BCO1: variants seen among roughly 807,000 people sequenced by gnomAD.
The protein encoded by BCO1 is beta-carotene oxygenase 1, also known as beta,beta-carotene 15,15'-dioxygenase.
Under a neutral mutation model 56.3 loss-of-function variants are expected in BCO1, and 54 were observed. The observed-to-expected ratio is 0.96, with a 90% CI of 0.77 to 1.20. The LOEUF (loss-of-function observed/expected upper bound fraction) is 1.20, where lower values mean the gene tolerates loss of function less well. Ranked by LOEUF, BCO1 falls within the 50% of genes most tolerant of loss-of-function variation. The probability of loss-of-function intolerance (pLI) is 0.00; values close to 1 mark genes in which losing one functional copy is unlikely to be tolerated. For synonymous variants in BCO1, 318 were observed against 266.1 expected, an observed-to-expected ratio of 1.20 and a Z score of -1.90; for missense variants, 801 against 690.9, an observed-to-expected ratio of 1.16 and a Z score of -1.79.
At chr16:81,283,577 C>T (rs923643590) in intron 8 of BCO1, among the ~76,000 whole-genome samples, 3 of 152,086 alleles carry the variant, frequency 2.0e-5, no homozygotes, top group Non-Finnish European at 4.4e-5. Flanking sequence ...CAAGGGCAGG[C>T]ACCTTCTTCT....
intron 9 of BCO1, 114 bp downstream of exon 9, chr16:81,285,748 G>A: frequency 1.2e-6 from 1 of 820,084 alleles, no homozygotes; most frequent in Non-Finnish European, 2.1e-6. Flanking sequence ...GAAGGAGTAA[G>A]CCTAGGATAA....
At chr16:81,244,163 A>C (rs935375586) in intron 1 of BCO1, among the ~76,000 whole-genome samples, 1 of 152,218 alleles carries the variant, frequency 6.6e-6, no homozygotes, top group African/African-American at 2.4e-5. Context: ...ATTTGCAGAA[A>C]GCAGCCTGTA....
At chr16:81,261,075 C>T (rs1338840773) in intron 3 of BCO1, among the ~76,000 whole-genome samples, 1 of 152,128 alleles carries the variant, frequency 6.6e-6, no homozygotes, top group African/African-American at 2.4e-5. Context: ...TTCACATTTG[C>T]AAATAGGAGG....
intron 8 of BCO1, among the ~76,000 whole-genome samples, chr16:81,281,449 A>C (rs191825382): frequency 6.6e-6 from 1 of 152,296 alleles, no homozygotes; most frequent in Admixed American, 6.5e-5. Flanking sequence ...CTGTCTCACA[A>C]AAATAAAAAT....
At chr16:81,258,220 G>A (rs1261976572) in intron 2 of BCO1, among the ~76,000 whole-genome samples, 1 of 152,168 alleles carries the variant, frequency 6.6e-6, no homozygotes, top group African/African-American at 2.4e-5. Flanking sequence ...TGTATGTTGT[G>A]TGAAGCCACT....
At chr16:81,245,707 G>C (rs1273584828) in intron 2 of BCO1, 104 bp downstream of exon 2, 2 of 1,445,902 alleles carry the variant, frequency 1.4e-6, no homozygotes, top group Admixed American at 3.8e-5. Context: ...GAGGTCAGAA[G>C]TCTAAATCGG....
intron 6 of BCO1, among the ~76,000 whole-genome samples, chr16:81,269,899 T>G (rs1243503262): frequency 6.6e-6 from 1 of 152,130 alleles, no homozygotes; most frequent in African/African-American, 2.4e-5. Context: ...AACACTGTCC[T>G]CCTAGTGACT....
At chr16:81,287,456 C>T in intron 10 of BCO1, 50 bp downstream of exon 10, 3 of 1,450,362 alleles carry the variant, frequency 2.1e-6, no homozygotes, top group Non-Finnish European at 1.9e-6. Flanking sequence ...CTGCAGATCG[C>T]CCTCCAACAG....
chr16:81,255,649 G>A (rs1379919490), intron 2 of BCO1, among the ~76,000 whole-genome samples: 1 of 151,672 alleles, frequency 6.6e-6, no homozygotes, highest in African/African-American at 2.4e-5. Flanking sequence ...TGGGACTACA[G>A]GTGCCTCCCA....
chr16:81,270,676 G>T (rs1907140865), intron 7 of BCO1, among the ~76,000 whole-genome samples: 1 of 126,030 alleles, frequency 7.9e-6, no homozygotes, highest in Admixed American at 8.8e-5. Flanking sequence ...TTGTCTCCCA[G>T]TCTCTCTCTC....
chr16:81,269,522 C>T (rs59071963), intron 6 of BCO1, among the ~76,000 whole-genome samples: 12,114 of 152,110 alleles, frequency 0.08, 1,112 homozygotes, highest in African/African-American at 0.22. Context: ...GGCTGGAATG[C>T]AATGGCACAT....
At chr16:81,257,879 C>CAAAAAAA (rs529236932) in intron 2 of BCO1, among the ~76,000 whole-genome samples, 1 of 66,094 alleles carries the variant, frequency 1.5e-5, no homozygotes, top group Non-Finnish European at 3.3e-5. Context: ...GACTCCATCT[C>CAAAAAAA]AAAAAAAAAA....
At chr16:81,256,032 T>A (rs1597353294) in intron 2 of BCO1, among the ~76,000 whole-genome samples, 1 of 151,824 alleles carries the variant, frequency 6.6e-6, no homozygotes, top group Non-Finnish European at 1.5e-5. Flanking sequence ...GCCAGGCTGG[T>A]CTTGAACTCC....
At chr16:81,259,509 T>C (rs143321191) in intron 2 of BCO1, among the ~76,000 whole-genome samples, 167 bp from the exon 3 acceptor site, 168 of 152,172 alleles carry the variant, frequency 1.1e-3, no homozygotes, top group Non-Finnish European at 2.0e-3. Context: ...TAATAATAAA[T>C]AAAATTATAT....
intron 7 of BCO1, among the ~76,000 whole-genome samples, chr16:81,273,882 G>T (rs890204765): frequency 2.0e-5 from 3 of 152,152 alleles, no homozygotes; most frequent in Non-Finnish European, 4.4e-5. Context: ...TCGTGGCACC[G>T]CACTGAGACT....
intron 7 of BCO1, among the ~76,000 whole-genome samples, chr16:81,274,296 C>T (rs1411219359): frequency 7.7e-6 from 1 of 130,014 alleles, no homozygotes; most frequent in Non-Finnish European, 1.5e-5. Context: ...CAGAGTCTCG[C>T]TCTGTCGCCC....
intron 2 of BCO1, 146 bp downstream of exon 2, chr16:81,245,749 G>C: frequency 9.7e-7 from 1 of 1,032,988 alleles, no homozygotes; most frequent in Non-Finnish European, 1.4e-6. Flanking sequence ...GGTGTTCATA[G>C]GGCCACATTC....
chr16:81,289,647 G>A (rs946506284), intron 10 of BCO1, among the ~76,000 whole-genome samples: 1 of 151,954 alleles, frequency 6.6e-6, no homozygotes, highest in South Asian at 2.1e-4. Flanking sequence ...TCTCAAAAAA[G>A]CAAAACAAAC....
At chr16:81,256,537 T>C (rs992723282) in intron 2 of BCO1, among the ~76,000 whole-genome samples, 12 of 152,002 alleles carry the variant, frequency 7.9e-5, no homozygotes, top group Non-Finnish European at 1.5e-5. Context: ...AACAGCAAAA[T>C]AAAATAAAAC....
Sources: gnomAD v4.1 joint callset for allele counts (sites outside exome capture counted in the v4.1 genomes callset) on GRCh38, gnomAD v4.1.1 for gene constraint, MANE v1.5 for transcripts, NCBI Gene and HGNC (gene_info 2026-07-23, HGNC 2026-07-21) for gene names.